The following SYNPO variants were observed in gnomAD, a reference collection of about 807,000 sequenced individuals.
SYNPO encodes synaptopodin.
A neutral mutation model predicts 49.5 loss-of-function variants in SYNPO; 19 were observed. That is an observed-to-expected ratio of 0.38 (90% CI 0.27 to 0.56). The LOEUF (loss-of-function observed/expected upper bound fraction) is 0.56. SYNPO is among the 20% of genes least tolerant of loss of function. SYNPO has a pLI of 0.68. For synonymous variants in SYNPO, 536 were observed against 548.0 expected (o/e 0.98, Z 0.31); for missense variants, 1,131 against 1,248.3 (o/e 0.91, Z 1.42).
chr5:150,625,977 C>G lies in SYNPO; in HGVS notation c.400+7210C>G, dbSNP rs1376085020. ...GTGAGAGGGTTTGGCAGGGTAGCCC[C>G]TGAGGGGGAAATTGCACTGTGGACA... On this transcript the variant is annotated intron_variant, in intron 2 of 2. Coordinates refer to the SYNPO transcript ENST00000394243. 5.3e-5 allele frequency among the ~76,000 whole-genome samples: 8 copies of G among 152,344 alleles called. No individual in the cohort carries two copies. The South Asian group carries it at 1.4e-3, about 28-fold the overall frequency.
rs772433449 is a variant in SYNPO at position 150,649,687 on chromosome 5, A to G, written c.1412A>G (p.Gln471Arg). The change falls in exon 2 of 3, where the codon CAG becomes CGG. Residue 471 changes from glutamine to arginine, a missense_variant. Physicochemically the swap from Gln to Arg is conservative, Grantham distance 43. Coordinates refer to ENST00000307662, the MANE Select transcript of SYNPO (RefSeq NM_007286.6). ...IQAKPKPKPN[Q>R]NLSEASGKGA... ...GCCAAGCCGAAGCCCAAACCCAACC[A>G]GAACCTCTCCGAGGCCTCTGGGAAG... 1 of 1,611,604 alleles carries G rather than the reference A, an allele frequency of 6.2e-7. No individual in the cohort carries two copies. Among genetic ancestry groups the G allele is most frequent in the Non-Finnish European group, 8.5e-7 (1 of 1,179,976 alleles).
At chr5:150,618,708 G>A in exon 2 of SYNPO, 2 of 1,550,082 alleles carry the variant, frequency 1.3e-6, no homozygotes, top group South Asian at 1.2e-5. Context: ...GTGAAGGCCG[G>A]GCAGATGATG....
At chr5:150,618,642 G>C in exon 2 of SYNPO, 1 of 1,551,346 alleles carries the variant, frequency 6.4e-7, no homozygotes, top group Non-Finnish European at 8.7e-7. Flanking sequence ...AGCTGCTCCA[G>C]AGAGGAACAA....
At chr5:150,597,793 CA>C (rs1756450527), upstream of SYNPO, among the ~76,000 whole-genome samples, 1 of 152,142 alleles carries the variant, frequency 6.6e-6, no homozygotes, top group African/African-American at 2.4e-5. Flanking sequence ...CGCATGCCAC[CA>C]CCCTGGCTAA....
chr5:150,644,522 A>G (rs1758020770), intron 1 of SYNPO, among the ~76,000 whole-genome samples: 2 of 152,208 alleles, frequency 1.3e-5, no homozygotes, highest in South Asian at 4.1e-4. Flanking sequence ...AGCTTATGCC[A>G]GGATAGCATG....
chr5:150,649,794 C>G lies in SYNPO; in HGVS notation c.1519C>G (p.Arg507Gly), dbSNP rs753547181. 1 of 1,611,682 alleles carries G rather than the reference C, an allele frequency of 6.2e-7. No homozygotes were observed. The change falls in exon 2 of 3, where the codon CGC becomes GGC. Residue 507 changes from arginine (R) to glycine (G), a missense_variant. Transcript: ENST00000307662. ...ESSSHTPELA[R>G]CPSPTMSLPS... is the part of the protein sequence containing the mutation. ...TTCAAGCCACACGCCAGAGCTGGCC[C>G]GCTGCCCATCACCTACCATGTCCCT... is the stretch of plus-strand genomic sequence containing the variant.
Position 150,657,035 on chromosome 5 carries a change from G to C in SYNPO, c.2660G>C (p.Ser887Thr). The C allele has an allele frequency of 1.2e-6, 2 of 1,603,152 alleles. No individual in the cohort carries two copies. Among genetic ancestry groups the C allele is most frequent in the South Asian group, 1.1e-5 (1 of 89,180 alleles). The change falls in exon 3 of 3, where the codon AGC (serine) becomes ACC (threonine). Residue 887 changes from serine (S) to threonine (T), a missense_variant. By Grantham distance (58) the Ser-to-Thr change is moderately conservative. This residue lies in a region of SYNPO where 509 missense variants were observed against 484.5 expected (regional missense o/e 1.05). Coordinates refer to ENST00000307662, the MANE Select transcript of SYNPO (RefSeq NM_007286.6). ...ATCTGTCCCCGCGGGTGGAATGGCA[G>C]CCTTCGGCTCAAGCGTGGCAGCCTC... is the stretch of plus-strand genomic sequence containing the variant. ...YNICPRGWNGSLRLKRGSLPA... is the reference protein window; with the variant it reads ...YNICPRGWNGTLRLKRGSLPA...
chr5:150,638,084 G>A (rs1757778772), upstream of SYNPO, among the ~76,000 whole-genome samples: 1 of 147,648 alleles, frequency 6.8e-6, no homozygotes, highest in Non-Finnish European at 1.5e-5. Flanking sequence ...TTGATTTGGG[G>A]TATGGGGGTA....
At chr5:150,650,582 G>C (rs916888281) in intron 2 of SYNPO, 1 of 1,453,814 alleles carries the variant, frequency 6.9e-7, no homozygotes, top group African/African-American at 1.4e-5. Context: ...GGGTCATGGA[G>C]AGAGAACTGT....
chr5:150,642,702 TG>T (rs1181272447), intron 1 of SYNPO, among the ~76,000 whole-genome samples: 1 of 152,236 alleles, frequency 6.6e-6, no homozygotes, highest in African/African-American at 2.4e-5. Flanking sequence ...GAAAATCATC[TG>T]GATGGCTGGC....
In SYNPO at chr5:150,602,997, G is replaced by A. The variant is rs908344195; in HGVS notation, c.-266+1809G>A. ...GTGGAAAGCCCAGTTGCCACCTTAG[G>A]GTGTGTGTGTGTGTGTGTGTGTGTG... On this transcript the variant is annotated intron_variant, in intron 1 of 2. Coordinates refer to the SYNPO transcript ENST00000394243. Among the ~76,000 whole-genome samples the A allele has an allele frequency of 1.7e-3, 217 of 131,252 alleles. 1 individual carries two copies. The highest frequency in any genetic ancestry group is 5.9e-3 in the African/African-American group (201 of 33,810). 86.1% of individuals were successfully genotyped at this position (131,252 alleles called of 152,430 possible).
chr5:150,651,622 G>A, intron 2 of SYNPO: 1 of 1,002,804 alleles, frequency 1.0e-6, no homozygotes, highest in Non-Finnish European at 1.2e-6. Flanking sequence ...TTAGGCTCAG[G>A]ATTGCCTGGG....
chr5:150,624,165 TG>T (rs1444695435), intron 2 of SYNPO, among the ~76,000 whole-genome samples: 2 of 152,186 alleles, frequency 1.3e-5, no homozygotes, highest in Non-Finnish European at 2.9e-5. Context: ...AGTCAGGGGA[TG>T]GCAGCAGGTG....
At chr5:150,612,853 C>T (rs549951805) in intron 1 of SYNPO, among the ~76,000 whole-genome samples, 2 of 152,190 alleles carry the variant, frequency 1.3e-5, no homozygotes, top group African/African-American at 4.8e-5. Context: ...AATCATGGCT[C>T]ACTGCAGCCT....
At chr5:150,637,753 A>G (rs551837531), upstream of SYNPO, among the ~76,000 whole-genome samples, 4 of 152,308 alleles carry the variant, frequency 2.6e-5, no homozygotes, top group African/African-American at 9.6e-5. Context: ...TCTGTGAGGA[A>G]GGAATGTGGG....
the SYNPO span, among the ~76,000 whole-genome samples, chr5:150,587,674 C>T: frequency 6.6e-6 from 1 of 152,164 alleles, no homozygotes; most frequent in African/African-American, 2.4e-5. Context: ...CAATTAAGAG[C>T]TCAGTTCCCT....
chr5:150,656,817 T>TGTGCCG lies in SYNPO; in HGVS notation c.2444_2449dup (p.Val815_Pro816dup). 7.0e-7 allele frequency: 1 copy of TGTGCCG among 1,430,318 alleles called. No individual in the cohort carries two copies. Among genetic ancestry groups the TGTGCCG allele is most frequent in the South Asian group, 1.2e-5 (1 of 80,114 alleles). 88.6% of individuals were successfully genotyped at this position (1,430,318 alleles called of 1,614,324 possible). ...AGCCCGCCCGCCCCGGCTCGGCTGC[T>TGTGCCG]GTGCCGGGGGCAGCCTTCGCGCCCA... On this transcript the variant is annotated inframe_insertion, in exon 3 of 3. Coordinates refer to ENST00000307662, the MANE Select transcript of SYNPO (RefSeq NM_007286.6).
chr5:150,594,097 G>A, the SYNPO span, among the ~76,000 whole-genome samples: 5 of 152,220 alleles, frequency 3.3e-5, no homozygotes, highest in Admixed American at 2.6e-4. Context: ...GCCTGCAGAC[G>A]TGTGTTAGCT....
At chr5:150,624,294 C>G (rs1042389356) in intron 2 of SYNPO, among the ~76,000 whole-genome samples, 1 of 152,048 alleles carries the variant, frequency 6.6e-6, no homozygotes, top group African/African-American at 2.4e-5. Context: ...GCACCCAGGT[C>G]TGAAAGGAGA....
Sources: allele counts gnomAD v4.1 joint callset (sites outside exome capture counted in the v4.1 genomes callset), GRCh38; gene constraint gnomAD v4.1.1; regional missense constraint gnomAD v4.1.1; transcripts MANE v1.5; gene names NCBI Gene and HGNC (gene_info 2026-07-23, HGNC 2026-07-21).